The following HERC2 variants were observed in gnomAD, a reference collection of about 807,000 sequenced individuals.
The protein encoded by HERC2 is E3 ubiquitin-protein ligase HERC2.
A neutral mutation model predicts 537.7 loss-of-function variants in HERC2; 102 were observed. The ratio of observed to expected loss-of-function variants is 0.19; its 90% CI spans 0.16 to 0.22. HERC2 has a LOEUF of 0.22. HERC2 is among the 10% of genes least tolerant of loss of function. The pLI is 1.00. For missense variants in HERC2, 4,236 were observed against 6,198.2 expected, an observed-to-expected ratio of 0.68 and a Z score of 10.63; for synonymous variants, 2,224 against 2,466.2, an observed-to-expected ratio of 0.90 and a Z score of 2.91.
At chr15:28,159,694 G>A (rs1345961692) in intron 69 of HERC2, among the ~76,000 whole-genome samples, 6 of 152,118 alleles carry the variant, frequency 3.9e-5, no homozygotes, top group Admixed American at 2.0e-4. Context: ...CCTTTAGCTC[G>A]GAGAAGTTTG....
chr15:28,229,724 T>G lies in HERC2; in HGVS notation c.4933A>C (p.Lys1645Gln), dbSNP rs778915498. 7 of 1,611,510 alleles carry G rather than the reference T, an allele frequency of 4.3e-6. No homozygotes were observed. In the East Asian group the frequency reaches 1.3e-4, roughly 31 times the overall value. ...TTTTCCACATCCACTGGCTCTTCTT[T>G]AAGGGCAAATTCAGCAATTGTACTG... ...LLSTIAEFAL[K>Q]EEPVDVEKMR... The change falls in exon 32 of 93, where the codon AAA (lysine) becomes CAA (glutamine). Residue 1645 changes from lysine to glutamine, a missense_variant. By Grantham distance (53) the Lys-to-Gln change is moderately conservative. This residue lies in a region of HERC2 where 343 missense variants were observed against 417.2 expected (regional missense o/e 0.82). Coordinates refer to ENST00000261609, the MANE Select transcript of HERC2 (RefSeq NM_004667.6).
intron 35 of HERC2, among the ~76,000 whole-genome samples, chr15:28,227,309 A>C (rs1344158967): frequency 6.6e-6 from 1 of 152,060 alleles, no homozygotes; most frequent in African/African-American, 2.4e-5. Context: ...AGAGAAAGGG[A>C]CTTGAATAGA....
Position 28,214,773 on chromosome 15 carries a change from G to C in HERC2, c.6240C>G (p.Val2080=), listed in dbSNP as rs142615958. The change falls in exon 40 of 93, where the codon GTC becomes GTG. Residue 2080 remains valine, a synonymous_variant. Coordinates refer to ENST00000261609, the MANE Select transcript of HERC2 (RefSeq NM_004667.6). ...TTTCGGTCTTGTCCCATGATGGAAGGACTGCTTGCAACAAATGCACAGCTA... is the reference window on the plus strand; with the variant it reads ...TTTCGGTCTTGTCCCATGATGGAAGCACTGCTTGCAACAAATGCACAGCTA... The part of the protein sequence containing the change: ...QILAVHLLQA[V]LPSWDKTERA... 247 of 1,611,712 alleles carry C rather than the reference G, an allele frequency of 1.5e-4. No individual in the cohort carries two copies. The African/African-American group carries it at 3.1e-3, about 20-fold the overall frequency.
At chr15:28,189,021 G>T (rs572274708) in intron 55 of HERC2, among the ~76,000 whole-genome samples, 2 of 152,018 alleles carry the variant, frequency 1.3e-5, no homozygotes, top group African/African-American at 4.8e-5. Flanking sequence ...CCAGGATGTG[G>T]TGGTTGCGGT....
chr15:28,179,544 G>A (rs932446013), intron 57 of HERC2, among the ~76,000 whole-genome samples: 5 of 152,242 alleles, frequency 3.3e-5, no homozygotes, highest in Admixed American at 2.6e-4. Context: ...CATGATAACA[G>A]ACTACTGCTA....
At chr15:28,293,492 CAAAAA>C (rs34632582) in intron 3 of HERC2, among the ~76,000 whole-genome samples, 4 of 88,340 alleles carry the variant, frequency 4.5e-5, no homozygotes, top group Non-Finnish European at 5.0e-5. Context: ...GACTCTGTCT[CAAAAA>C]AAAAAAAAAA....
chr15:28,317,952 T>C (rs2077133219), intron 2 of HERC2, among the ~76,000 whole-genome samples: 2 of 152,230 alleles, frequency 1.3e-5, no homozygotes, highest in Non-Finnish European at 2.9e-5. Context: ...TCTAATTTCA[T>C]GTGCCACTTA....
In HERC2 at chr15:28,201,542, C is replaced by G; in HGVS notation, c.7630G>C (p.Val2544Leu). The change falls in exon 48 of 93, where the codon GTT becomes CTT. Residue 2544 changes from valine to leucine, a missense_variant. Val to Leu is a conservative substitution (Grantham distance 32, BLOSUM62 1). This residue lies in a region of HERC2 where 606 missense variants were observed against 884.5 expected (regional missense o/e 0.69). Transcript: ENST00000261609. The stretch of plus-strand genomic sequence containing the variant: ...TTGTACGTCTGGCTCTCCGTCACAA[C>G]AGCACCAGTAGACTGCAAGAAATAA... ...DAAYSMSTGA[V>L]VTESQTYKKR... The G allele has an allele frequency of 6.2e-7, 1 of 1,611,236 alleles. No homozygotes were observed. Among genetic ancestry groups the G allele is most frequent in the Non-Finnish European group, 8.5e-7 (1 of 1,177,350 alleles).
At chr15:28,228,707 G>C (rs1160288853) in intron 34 of HERC2, among the ~76,000 whole-genome samples, 4 of 152,252 alleles carry the variant, frequency 2.6e-5, no homozygotes, top group Non-Finnish European at 5.9e-5. Flanking sequence ...TTTCCACAGA[G>C]TGGGCAGCTC....
intron 23 of HERC2, among the ~76,000 whole-genome samples, chr15:28,245,566 T>TACACAC (rs200862998): frequency 8.1e-4 from 96 of 119,254 alleles, no homozygotes; most frequent in African/African-American, 1.1e-3. Flanking sequence ...AAAAAATATA[T>TACACAC]ACACACACAC....
intron 79 of HERC2, among the ~76,000 whole-genome samples, chr15:28,135,017 G>A (rs1441116252): frequency 6.6e-6 from 1 of 152,132 alleles, no homozygotes; most frequent in Non-Finnish European, 1.5e-5. Context: ...CCTAGGATAA[G>A]AAGGCCCCTG....
rs374662027 is a variant in HERC2, at chr15:28,124,154, G to A, written c.13071C>T (p.Ser4357=). The change falls in exon 85 of 93, where the codon TCC becomes TCT. Residue 4357 remains serine (S), a synonymous_variant. Coordinates refer to ENST00000261609, the MANE Select transcript of HERC2 (RefSeq NM_004667.6). ...RNRLLLLHHL[S]ELFCPCIPMF... ...TGGGGATGCAGGGGCAGAAGAGCTC[G>A]GAGAGGTGGTGCAGCAGCAGCAGAC... 49 of 1,591,306 alleles carry A rather than the reference G, an allele frequency of 3.1e-5. No individual in the cohort carries two copies. Among genetic ancestry groups the A allele is most frequent in the South Asian group, 2.6e-4 (23 of 87,932 alleles).
intron 2 of HERC2, among the ~76,000 whole-genome samples, chr15:28,299,771 G>A (rs1596432656): frequency 6.6e-6 from 1 of 152,140 alleles, no homozygotes; most frequent in Non-Finnish European, 1.5e-5. Context: ...ATGACACGTG[G>A]TCGGGCGAGG....
intron 16 of HERC2, among the ~76,000 whole-genome samples, chr15:28,260,143 C>T (rs2075379668): frequency 6.6e-6 from 1 of 150,584 alleles, no homozygotes; most frequent in Non-Finnish European, 1.5e-5. Flanking sequence ...AGTTCGAGAC[C>T]AGCCTGGGCA....
rs1467231926 is a variant in HERC2 at position 28,214,193 on chromosome 15, C to G, written c.6438G>C (p.Val2146=). The part of the protein sequence containing the change: ...ATHSSTLAEE[V]VALLRTLHSL... ...AGTGCAGCGTGCGCAGCAGTGCCAC[C>G]ACCTCCTCCGCCAGTGTGCTGCTGT... is the stretch of plus-strand genomic sequence containing the variant. Residue 2146 remains valine, a synonymous_variant, in exon 41 of 93, where the codon GTG becomes GTC. Transcript: ENST00000261609. The G allele has an allele frequency of 1.2e-6, 2 of 1,612,640 alleles. No homozygotes were observed. Among genetic ancestry groups the G allele is most frequent in the Non-Finnish European group, 1.7e-6 (2 of 1,179,952 alleles).
rs755124828 is a variant in HERC2, at chr15:28,214,291, G to C, written c.6359-19C>G. 1.2e-6 allele frequency: 2 copies of C among 1,603,738 alleles called. No individual in the cohort carries two copies. The highest frequency in any genetic ancestry group is 2.2e-5 in the South Asian group (2 of 90,762). ...GTGGACTCTGAGGAGGAAACCAGGG[G>C]AGAAGCTGCTGCACCGCTCTTCACC... On this transcript the variant is annotated intron_variant, in intron 40 of 92. Coordinates refer to ENST00000261609, the MANE Select transcript of HERC2 (RefSeq NM_004667.6).
chr15:28,295,548 A>G (rs1209219651), intron 3 of HERC2, among the ~76,000 whole-genome samples: 2 of 152,068 alleles, frequency 1.3e-5, no homozygotes, highest in African/African-American at 4.8e-5. Context: ...ACAGGCGTGC[A>G]TCACCATGCC....
intron 3 of HERC2, among the ~76,000 whole-genome samples, chr15:28,297,957 A>G (rs1030798208): frequency 7.4e-5 from 11 of 149,052 alleles, no homozygotes; most frequent in South Asian, 6.6e-4. Flanking sequence ...ACGGTGGCAG[A>G]ACATGGAGGT....
At chr15:28,296,723 G>A (rs1488491435) in intron 3 of HERC2, among the ~76,000 whole-genome samples, 1 of 146,130 alleles carries the variant, frequency 6.8e-6, no homozygotes, top group African/African-American at 2.5e-5. Context: ...GCTGATTCCT[G>A]TCTTGGAAGA....
Sources: gnomAD v4.1 joint callset for allele counts (sites outside exome capture counted in the v4.1 genomes callset) on GRCh38, gnomAD v4.1.1 for gene constraint, gnomAD v4.1.1 regional missense constraint, MANE v1.5 for transcripts, NCBI Gene and HGNC (gene_info 2026-07-23, HGNC 2026-07-21) for gene names.